Variants in LARS2 observed in about 807,000 individuals in gnomAD.
The protein encoded by LARS2 is leucyl-tRNA synthetase 2, mitochondrial, also known as leucine--tRNA ligase, mitochondrial.
Under a neutral mutation model 116.6 loss-of-function variants are expected in LARS2, and 81 were observed. The ratio of observed to expected loss-of-function variants is 0.69; its 90% confidence interval spans 0.58 to 0.84. LARS2 has a LOEUF of 0.84. Among genes scored for constraint, LARS2 ranks in the 40% least tolerant of loss-of-function variants. The pLI is 0.00. For missense variants in LARS2, 968 were observed against 1,114.5 expected, an observed-to-expected ratio of 0.87 and a Z score of 1.87; for synonymous variants, 396 against 407.2, an observed-to-expected ratio of 0.97 and a Z score of 0.33.
chr3:45,518,160 C>G (rs1700401590), intron 18 of LARS2, 88 bp downstream of exon 18: 3 of 1,038,314 alleles, frequency 2.9e-6, no homozygotes, highest in East Asian at 2.5e-5. Flanking sequence ...CCCTCCCTGC[C>G]TTGGGTTGGG....
rs764625986 is a variant in LARS2, at chr3:45,500,587, C to G, written c.1760+8C>G. 1.9e-6 allele frequency: 3 copies of G among 1,540,680 alleles called. No individual in the cohort carries two copies. Among genetic ancestry groups the G allele is most frequent in the Non-Finnish European group, 2.6e-6 (3 of 1,151,322 alleles). On this transcript the variant is annotated splice_region_variant and intron_variant, in intron 15 of 21. Transcript: ENST00000645846. ...AAAAATGGTTAAACATAGGTAAGCA[C>G]TTATACTGCTTTGCAAAATAATTGA...
intron 6 of LARS2, among the ~76,000 whole-genome samples, chr3:45,424,232 AT>A (rs1178242139): frequency 1.3e-5 from 2 of 152,204 alleles, no homozygotes; most frequent in African/African-American, 4.8e-5. Context: ...TAAGTTGAAA[AT>A]ATCATAGAGT....
Position 45,474,276 on chromosome 3 carries a change from T to C in LARS2, c.784T>C (p.Trp262Arg), listed in dbSNP as rs1699577017. 6.2e-7 allele frequency: 1 copy of C among 1,611,482 alleles called. No individual in the cohort carries two copies. Among genetic ancestry groups the C allele is most frequent in the Non-Finnish European group, 8.5e-7 (1 of 1,178,042 alleles). ...MQDALADLPE[W>R]YGIKGMQAHW... ...GGACGCGTTGGCAGACCTTCCAGAATGGTATGGAATAAAAGGCATGCAAGC... is the reference window on the plus strand; with the variant it reads ...GGACGCGTTGGCAGACCTTCCAGAACGGTATGGAATAAAAGGCATGCAAGC... Residue 262 changes from tryptophan (W) to arginine (R), a missense_variant, in exon 9 of 22, where the codon TGG (tryptophan) becomes CGG (arginine). Physicochemically the swap from Trp to Arg is moderately radical, Grantham distance 101 (BLOSUM62 -3). Coordinates refer to ENST00000645846, the MANE Select transcript of LARS2 (RefSeq NM_015340.4).
Position 45,446,911 on chromosome 3 carries a change from A to G in LARS2, c.537A>G (p.Pro179=). The change falls in exon 7 of 22, where the codon CCA becomes CCG. Residue 179 remains proline (P), a synonymous_variant. Coordinates refer to ENST00000645846, the MANE Select transcript of LARS2 (RefSeq NM_015340.4). The part of the protein sequence containing the change: ...SWDREITTCL[P]DYYKWTQYLF... ...GGCAGGAAATAACTACGTGTTTGCC[A>G]GATTACTACAAGTGGACTCAGTATC... The G allele has an allele frequency of 6.2e-7, 1 of 1,610,378 alleles. No homozygotes were observed. The highest frequency in any genetic ancestry group is 2.2e-5 in the East Asian group (1 of 44,810).
intron 5 of LARS2, among the ~76,000 whole-genome samples, chr3:45,418,033 G>T (rs565314371): frequency 6.6e-6 from 1 of 152,226 alleles, no homozygotes; most frequent in Non-Finnish European, 1.5e-5. Context: ...AGAAATATAT[G>T]GCCACTTTAT....
intron 4 of LARS2, among the ~76,000 whole-genome samples, chr3:45,408,453 C>T (rs1698269465): frequency 6.6e-6 from 1 of 152,238 alleles, no homozygotes; most frequent in Non-Finnish European, 1.5e-5. Flanking sequence ...TGGTCCTTGA[C>T]CAGCTTGCTG....
chr3:45,446,772 G>A (rs1373356751), intron 6 of LARS2, 119 bp from the exon 7 acceptor site: 2 of 602,736 alleles, frequency 3.3e-6, no homozygotes, highest in African/African-American at 3.8e-5. Context: ...AAAATATTTT[G>A]AGCTGGTAAA....
intron 10 of LARS2, among the ~76,000 whole-genome samples, chr3:45,482,549 A>C (rs1307547480): frequency 6.6e-6 from 1 of 152,208 alleles, no homozygotes; most frequent in Non-Finnish European, 1.5e-5. Context: ...TTGCTAACTT[A>C]TCAGATATAA....
intron 7 of LARS2, among the ~76,000 whole-genome samples, chr3:45,450,515 C>T (rs558567935): frequency 6.6e-6 from 1 of 152,242 alleles, no homozygotes; most frequent in African/African-American, 2.4e-5. Flanking sequence ...CTATGCCTGG[C>T]TTATGTCACA....
intron 21 of LARS2, among the ~76,000 whole-genome samples, chr3:45,545,862 G>T (rs1700867633): frequency 6.7e-6 from 1 of 150,350 alleles, no homozygotes; most frequent in Non-Finnish European, 1.5e-5. Flanking sequence ...TCCTATCCTG[G>T]CCAGCACTCT....
intron 6 of LARS2, among the ~76,000 whole-genome samples, chr3:45,446,105 G>T (rs1448211696): frequency 3.3e-5 from 5 of 152,118 alleles, no homozygotes; most frequent in Non-Finnish European, 1.5e-5. Context: ...TACAAACGGA[G>T]TCATTTGAAA....
At chr3:45,482,226 T>A (rs1699715174) in intron 10 of LARS2, among the ~76,000 whole-genome samples, 1 of 152,194 alleles carries the variant, frequency 6.6e-6, no homozygotes, top group South Asian at 2.1e-4. Flanking sequence ...TCCTATCAAC[T>A]CAATGTACCT....
chr3:45,449,308 A>C (rs1195787606), intron 7 of LARS2, among the ~76,000 whole-genome samples: 1 of 151,958 alleles, frequency 6.6e-6, no homozygotes, highest in Non-Finnish European at 1.5e-5. Flanking sequence ...GATTACAGGC[A>C]TGCGCCACCA....
chr3:45,497,303 C>CA (rs932542255), intron 14 of LARS2, among the ~76,000 whole-genome samples: 2 of 150,926 alleles, frequency 1.3e-5, no homozygotes, highest in African/African-American at 2.4e-5. Flanking sequence ...CCGCCCCCCC[C>CA]AAAAAAAGAA....
At chr3:45,491,917 GA>G (rs1699924623) in intron 13 of LARS2, 117 bp downstream of exon 13, 2 of 1,008,030 alleles carry the variant, frequency 2.0e-6, no homozygotes, top group South Asian at 3.2e-5. Flanking sequence ...TGACTTCCAT[GA>G]GGCTGGAAAG....
chr3:45,542,312 T>C (rs902861059), intron 21 of LARS2, among the ~76,000 whole-genome samples: 2 of 152,146 alleles, frequency 1.3e-5, no homozygotes, highest in Non-Finnish European at 2.9e-5. Flanking sequence ...CTGGGGACTT[T>C]TGGGGGCTGG....
chr3:45,546,732 A>G (rs1700880862), intron 21 of LARS2, among the ~76,000 whole-genome samples: 1 of 152,198 alleles, frequency 6.6e-6, no homozygotes, highest in African/African-American at 2.4e-5. Context: ...TATTCGGTGA[A>G]TACCCACCTG....
At chr3:45,428,239 G>GTTTTTTTT (rs35323496) in intron 6 of LARS2, among the ~76,000 whole-genome samples, 46 of 84,210 alleles carry the variant, frequency 5.5e-4, no homozygotes, top group African/African-American at 6.5e-4. Context: ...ATCTTAACCT[G>GTTTTTTTT]TTTTTTTTTT....
chr3:45,513,042 C>A, intron 15 of LARS2, 93 bp from the exon 16 acceptor site: 1 of 854,210 alleles, frequency 1.2e-6, no homozygotes, highest in South Asian at 1.4e-5. Context: ...GGGGCAGCTA[C>A]TTCTGCCCAT....
Sources: gnomAD v4.1 joint callset for allele counts (sites outside exome capture counted in the v4.1 genomes callset) on GRCh38, gnomAD v4.1.1 for gene constraint, MANE v1.5 for transcripts, NCBI Gene and HGNC (gene_info 2026-07-23, HGNC 2026-07-21) for gene names.